The following CCDC198 variants were observed in gnomAD, a reference collection of about 807,000 sequenced individuals.
The protein encoded by CCDC198 is coiled-coil domain containing 198.
Under a neutral mutation model 35.6 loss-of-function variants are expected in CCDC198, and 18 were observed. That is an observed-to-expected ratio of 0.51 (90% confidence interval 0.35 to 0.75). The LOEUF (loss-of-function observed/expected upper bound fraction) is 0.75. CCDC198 is among the 30% of genes least tolerant of loss of function. CCDC198 has a pLI of 0.01. For missense variants in CCDC198, 365 were observed against 343.7 expected (o/e 1.06, Z -0.49); for synonymous variants, 119 against 113.4 (o/e 1.05, Z -0.31).
At position 57,469,819 on chromosome 14, in the gene CCDC198, T is replaced by G. The variant is rs1339813740; in HGVS notation, c.*1536A>C. 1.3e-5 allele frequency: 2 copies of G among 152,228 alleles called. No individual in the cohort carries two copies. The highest frequency in any genetic ancestry group is 4.1e-4 in the South Asian group (2 of 4,828). 9.4% of individuals were successfully genotyped at this position (152,228 alleles called of 1,614,324 possible). Reference sequence around the variant, plus strand: ...GGCTTGTTATCTTCTTAGTTTCTGATGTGAATGCATTGAATGTCAAATTGA... The same window carrying G: ...GGCTTGTTATCTTCTTAGTTTCTGAGGTGAATGCATTGAATGTCAAATTGA... On this transcript the variant is annotated 3_prime_UTR_variant, in exon 6 of 6. Transcript: ENST00000216445.
At chr14:57,487,675 G>A (rs965222285) in intron 2 of CCDC198, among the ~76,000 whole-genome samples, 5 of 152,160 alleles carry the variant, frequency 3.3e-5, no homozygotes. Flanking sequence ...AGGAGTAGAT[G>A]TTTAGGAAGT....
chr14:57,478,581 T>G, intron 5 of CCDC198: 2 of 988,690 alleles, frequency 2.0e-6, no homozygotes, highest in African/African-American at 1.7e-5. Flanking sequence ...TTCCAGGGAC[T>G]TTGCCAATGC....
intron 5 of CCDC198, 156 bp downstream of exon 5, chr14:57,480,439 C>T (rs768542905): frequency 1.4e-6 from 1 of 713,258 alleles, no homozygotes; most frequent in Non-Finnish European, 1.7e-6. Context: ...TCCAAAATTA[C>T]ATGACAACAT....
At chr14:57,479,905 GC>G (rs1341977954) in intron 5 of CCDC198, among the ~76,000 whole-genome samples, 1 of 152,170 alleles carries the variant, frequency 6.6e-6, no homozygotes, top group Non-Finnish European at 1.5e-5. Flanking sequence ...AATGGGAGGG[GC>G]CAAGTCAGGA....
At chr14:57,477,483 A>ATC (rs1455269182) in intron 5 of CCDC198, among the ~76,000 whole-genome samples, 16 of 138,506 alleles carry the variant, frequency 1.2e-4, no homozygotes, top group African/African-American at 4.3e-4. Flanking sequence ...TGTCACGTGT[A>ATC]TCTCACACAC....
intron 2 of CCDC198, 68 bp downstream of exon 2, chr14:57,490,921 T>G (rs2067542912): frequency 1.5e-6 from 2 of 1,327,044 alleles, no homozygotes; most frequent in Non-Finnish European, 2.1e-6. Context: ...TTGATGATTA[T>G]AGTTTAAAAA....
chr14:57,476,090 A>G (rs2066988806), intron 5 of CCDC198, among the ~76,000 whole-genome samples: 1 of 152,054 alleles, frequency 6.6e-6, no homozygotes, highest in Non-Finnish European at 1.5e-5. Flanking sequence ...GGCATGAGCT[A>G]TGGCCTGTAA....
In CCDC198 at chr14:57,471,527, A is replaced by G. The variant is rs141059426; in HGVS notation, c.719T>C (p.Ile240Thr). 643 of 1,613,250 alleles carry G rather than the reference A, an allele frequency of 4.0e-4. 5 individuals are homozygous for G. In the Middle Eastern group the frequency reaches 4.1e-3, roughly 10 times the overall value. The change falls in exon 6 of 6, where the codon ATT (isoleucine) becomes ACT (threonine). Residue 240 changes from isoleucine (I) to threonine (T), a missense_variant. Transcript: ENST00000216445. ...QAVNNYCPWKIGKMETWLHEQ... is the reference protein window; with the variant it reads ...QAVNNYCPWKTGKMETWLHEQ... ...ATGAAGCCATGTTTCCATTTTGCCA[A>G]TTTTCCAGGGACAGTAGTTATTCAC... is the stretch of plus-strand genomic sequence containing the variant.
chr14:57,489,636 A>T (rs1217529451), intron 2 of CCDC198, among the ~76,000 whole-genome samples: 1 of 152,088 alleles, frequency 6.6e-6, no homozygotes, highest in African/African-American at 2.4e-5. Context: ...GTGGTGGTGC[A>T]GTGTTTGACT....
At chr14:57,474,772 A>G (rs920907165) in intron 5 of CCDC198, among the ~76,000 whole-genome samples, 1 of 152,208 alleles carries the variant, frequency 6.6e-6, no homozygotes, top group African/African-American at 2.4e-5. Context: ...GAGTAAAGGA[A>G]AGTGTATCCT....
chr14:57,487,721 A>G (rs183200454), intron 2 of CCDC198, among the ~76,000 whole-genome samples: 74 of 152,336 alleles, frequency 4.9e-4, no homozygotes, highest in African/African-American at 1.7e-3. Context: ...ATAATTTAGC[A>G]TACAATTAGA....
intron 5 of CCDC198, among the ~76,000 whole-genome samples, chr14:57,478,226 T>C (rs1346358148): frequency 6.6e-6 from 1 of 152,170 alleles, no homozygotes; most frequent in Non-Finnish European, 1.5e-5. Flanking sequence ...GGTCAAGGAC[T>C]CACAACCCCC....
At chr14:57,475,785 C>A (rs1200706256) in intron 5 of CCDC198, 4 of 165,724 alleles carry the variant, frequency 2.4e-5, no homozygotes, top group Non-Finnish European at 4.5e-5. Flanking sequence ...CGGCACTTAG[C>A]TTCTTTTTTT....
At chr14:57,476,223 G>A (rs956478991) in intron 5 of CCDC198, among the ~76,000 whole-genome samples, 5 of 152,078 alleles carry the variant, frequency 3.3e-5, no homozygotes, top group South Asian at 4.1e-4. Context: ...GGTTCCTGGA[G>A]GTTAAATAAC....
rs778097592 is a variant in CCDC198 at position 57,471,425 on chromosome 14, T to G, written c.821A>C (p.Lys274Thr). 4.3e-6 allele frequency: 7 copies of G among 1,613,666 alleles called. No individual in the cohort carries two copies. The Admixed American group carries it at 5.0e-5, about 12-fold the overall frequency. The change falls in exon 6 of 6, where the codon AAG becomes ACG. Residue 274 changes from lysine (K) to threonine (T), a missense_variant. Transcript: ENST00000216445. ...DSDEQGKDEK[K>T]PRALVRTRTE... ...CCTGGTCCTCACCAGTGCTCGTGGCTTCTTCTCATCTTTCCCCTGCTCATC... is the reference window on the plus strand; with the variant it reads ...CCTGGTCCTCACCAGTGCTCGTGGCGTCTTCTCATCTTTCCCCTGCTCATC...
chr14:57,478,079 G>T (rs1171329057), intron 5 of CCDC198, among the ~76,000 whole-genome samples: 1 of 152,108 alleles, frequency 6.6e-6, no homozygotes, highest in African/African-American at 2.4e-5. Flanking sequence ...CACTTGAATT[G>T]GTTCCTGCCT....
chr14:57,492,614 C>T (rs1276785135), intron 1 of CCDC198, among the ~76,000 whole-genome samples: 1 of 151,906 alleles, frequency 6.6e-6, no homozygotes, highest in Non-Finnish European at 1.5e-5. Flanking sequence ...AACAACCAAA[C>T]GTTATCAATT....
chr14:57,475,597 C>T, intron 5 of CCDC198: 1 of 389,256 alleles, frequency 2.6e-6, no homozygotes. Flanking sequence ...ATCCCAGCTA[C>T]TCGGGAGGCT....
chr14:57,472,565 T>C (rs1160378917), intron 5 of CCDC198, among the ~76,000 whole-genome samples: 5 of 152,220 alleles, frequency 3.3e-5, no homozygotes. Context: ...CAACTCTGGC[T>C]TCATAGCAGA....
Sources: allele counts gnomAD v4.1 joint callset (sites outside exome capture counted in the v4.1 genomes callset), GRCh38; gene constraint gnomAD v4.1.1; transcripts MANE v1.5; gene names NCBI Gene and HGNC (gene_info 2026-07-23, HGNC 2026-07-21).